TRABD2A: variants seen among roughly 807,000 people sequenced by gnomAD.
TRABD2A encodes TraB domain containing 2A.
A neutral mutation model predicts 45.6 loss-of-function variants in TRABD2A; 43 were observed. The observed-to-expected ratio is 0.94, with a 90% confidence interval of 0.74 to 1.22. The LOEUF (loss-of-function observed/expected upper bound fraction) is 1.22, where lower values mean the gene tolerates loss of function less well. Ranked by LOEUF, TRABD2A falls within the 50% of genes most tolerant of loss-of-function variation. The pLI is 0.00. For synonymous variants in TRABD2A, 269 were observed against 265.0 expected, an observed-to-expected ratio of 1.02 and a Z score of -0.15; for missense variants, 642 against 652.4, an observed-to-expected ratio of 0.98 and a Z score of 0.17.
At chr2:84,822,474 C>T (rs557441558) in intron 6 of TRABD2A, among the ~76,000 whole-genome samples, 81 of 152,282 alleles carry the variant, frequency 5.3e-4, no homozygotes, top group African/African-American at 1.8e-3. Flanking sequence ...CCAGACCATG[C>T]AGATTCCTCC....
At position 84,830,004 on chromosome 2, in the gene TRABD2A, TTACA is replaced by T. The variant is rs1681281446; in HGVS notation, c.1082+2047_1082+2050del. Among the ~76,000 whole-genome samples the T allele has an allele frequency of 6.7e-6, 1 of 148,768 alleles. No individual in the cohort carries two copies. The highest frequency in any genetic ancestry group is 2.5e-5 in the African/African-American group (1 of 40,086). Reference sequence around the variant, plus strand: ...CACCAGACACACACAAACACAAACATTACATACTCCACACACATTACACCACACA... The same window carrying T: ...CACCAGACACACACAAACACAAACATTACTCCACACACATTACACCACACA... On this transcript the variant is annotated intron_variant, in intron 5 of 6. Transcript: ENST00000409520. This position sits in a 1 kb window ranked among gnomAD's most constrained non-coding sequence, Gnocchi z 4.9.
rs1160587189 is a variant in TRABD2A at position 84,830,228 on chromosome 2, A to T, written c.1082+1827T>A. ...AGACCTGCAGGAGAACAGGAAGGAG[A>T]GAGGCAGGAGACGTGAGCCTGCAAC... On this transcript the variant is annotated intron_variant, in intron 5 of 6. Transcript: ENST00000409520. This position sits in a 1 kb window ranked among gnomAD's most constrained non-coding sequence, Gnocchi z 4.9. 1.3e-5 allele frequency among the ~76,000 whole-genome samples: 2 copies of T among 152,124 alleles called. No homozygotes were observed. Among genetic ancestry groups the T allele is most frequent in the Non-Finnish European group, 2.9e-5 (2 of 68,030 alleles).
intron 2 of TRABD2A, among the ~76,000 whole-genome samples, chr2:84,859,469 C>T (rs1207602822): frequency 6.6e-6 from 1 of 152,186 alleles, no homozygotes; most frequent in East Asian, 1.9e-4. Flanking sequence ...AAGTTAATCA[C>T]CAACAAAAGA....
In TRABD2A at chr2:84,841,972, C is replaced by CT. The variant is rs1681727878; in HGVS notation, c.704dup (p.Glu236GlyfsTer22). The CT allele has an allele frequency of 6.5e-7, 1 of 1,542,736 alleles. No individual in the cohort carries two copies. Among genetic ancestry groups the CT allele is most frequent in the Non-Finnish European group, 8.7e-7 (1 of 1,143,608 alleles). On this transcript the variant is annotated frameshift_variant, in exon 3 of 7. Coordinates refer to ENST00000409520, the MANE Select transcript of TRABD2A (RefSeq NM_001277053.2). LOFTEE classifies it high-confidence loss of function. Reference sequence around the variant, plus strand: ...GAAGACTGCCTGCTCGCAGGCTTTCCTGCTGCAGGAGGGTCTGGTTCAAAG... The same window carrying CT: ...GAAGACTGCCTGCTCGCAGGCTTTCCTTGCTGCAGGAGGGTCTGGTTCAAAG...
intron 1 of TRABD2A, among the ~76,000 whole-genome samples, chr2:84,879,172 G>A (rs1405159763): frequency 6.8e-6 from 1 of 146,898 alleles, no homozygotes. Context: ...AGTCTTTGAG[G>A]TTTTCAATAC....
In TRABD2A at chr2:84,835,765, A is replaced by AG. The variant is rs1489913982; in HGVS notation, c.991+3383_991+3384insC. On this transcript the variant is annotated intron_variant, in intron 4 of 6. Coordinates refer to ENST00000409520, the MANE Select transcript of TRABD2A (RefSeq NM_001277053.2). ...ACATGGCAGGAGGGGCTAATGCTAT[A>AG]TCTTCACATGGTGGAAGGCACAAGG... is the stretch of plus-strand genomic sequence containing the variant. 6.7e-3 allele frequency among the ~76,000 whole-genome samples: 1,023 copies of AG among 152,208 alleles called. 17 individuals carry two copies. Among genetic ancestry groups the AG allele is most frequent in the African/African-American group, 0.024 (992 of 41,510 alleles).
In TRABD2A at chr2:84,840,283, T is replaced by G. The variant is rs538008628; in HGVS notation, c.817-960A>C. ...AGCCTTCATCTTCTACTCTGTCATCTTTTTTTTTAATCATGTCATTTATGT... is the reference window on the plus strand; with the variant it reads ...AGCCTTCATCTTCTACTCTGTCATCGTTTTTTTTAATCATGTCATTTATGT... On this transcript the variant is annotated intron_variant, in intron 3 of 6. Transcript: ENST00000409520. Among the ~76,000 whole-genome samples the G allele has an allele frequency of 3.3e-5, 5 of 151,496 alleles. No homozygotes were observed. In the South Asian group the frequency reaches 1.0e-3, roughly 32 times the overall value.
intron 2 of TRABD2A, among the ~76,000 whole-genome samples, chr2:84,861,825 G>A (rs1682510010): frequency 6.6e-6 from 1 of 152,248 alleles, no homozygotes; most frequent in South Asian, 2.1e-4. Context: ...CTCAGTGTGA[G>A]CTGCAGTTCT....
intron 2 of TRABD2A, among the ~76,000 whole-genome samples, chr2:84,850,436 C>G (rs1386342121): frequency 4.6e-5 from 7 of 152,042 alleles, no homozygotes; most frequent in Non-Finnish European, 7.4e-5. Flanking sequence ...TGGTCCTACC[C>G]TGACAGAGTA....
intron 2 of TRABD2A, chr2:84,844,048 T>C (rs1428900606): frequency 6.6e-6 from 1 of 152,186 alleles, no homozygotes; most frequent in Non-Finnish European, 1.5e-5. Context: ...CTCCCCAAGG[T>C]TCTGCACAAT....
At chr2:84,852,873 T>C (rs1324660859) in intron 2 of TRABD2A, among the ~76,000 whole-genome samples, 1 of 152,084 alleles carries the variant, frequency 6.6e-6, no homozygotes, top group East Asian at 1.9e-4. Context: ...TGGGAGAAGT[T>C]TCCATTAGCC....
rs1430269668 is a variant in TRABD2A, at chr2:84,824,141, A to G, written c.1146T>C (p.Pro382=). ...CTTCTGGTGCCGGTACTTCCAGGGT[A>G]GGGACTTTTGGAGCAAAGATGGTGG... ...TLSTIFAPKV[P]TLEVPAPEAV... Residue 382 remains proline, a synonymous_variant, in exon 6 of 7, where the codon CCT becomes CCC. Coordinates refer to ENST00000409520, the MANE Select transcript of TRABD2A (RefSeq NM_001277053.2). 2 of 1,613,856 alleles carry G rather than the reference A, an allele frequency of 1.2e-6. No homozygotes were observed. Among genetic ancestry groups the G allele is most frequent in the African/African-American group, 2.7e-5 (2 of 74,906 alleles).
intron 4 of TRABD2A, 34 bp from the exon 5 acceptor site, chr2:84,832,179 C>G (rs762488405): frequency 6.2e-7 from 1 of 1,602,494 alleles, no homozygotes; most frequent in Non-Finnish European, 8.5e-7. Flanking sequence ...AATGCTGCAG[C>G]TCTCAGGACC....
In TRABD2A at chr2:84,841,841, C is replaced by T. The variant is rs1029586956; in HGVS notation, c.816+20G>A. The T allele has an allele frequency of 6.7e-7, 1 of 1,497,074 alleles. No homozygotes were observed. The highest frequency in any genetic ancestry group is 8.9e-7 in the Non-Finnish European group (1 of 1,124,708). The allele number at this position is 1,497,074 out of a possible 1,614,324, so 92.7% of individuals were successfully genotyped here. ...ATAATTAAATGTGTGCTGAGCTTGG[C>T]AGGGGGAAAGGGTGCTCACCTGGGA... On this transcript the variant is annotated intron_variant, in intron 3 of 6. Coordinates refer to ENST00000409520, the MANE Select transcript of TRABD2A (RefSeq NM_001277053.2).
At chr2:84,866,562 C>A (rs1682681020) in intron 2 of TRABD2A, among the ~76,000 whole-genome samples, 1 of 152,128 alleles carries the variant, frequency 6.6e-6, no homozygotes, top group Non-Finnish European at 1.5e-5. Context: ...TGATACCACT[C>A]ATCTTGAGAA....
At chr2:84,833,250 G>A (rs1681400422) in intron 4 of TRABD2A, 1 of 152,248 alleles carries the variant, frequency 6.6e-6, no homozygotes, top group Non-Finnish European at 1.5e-5. Flanking sequence ...ACCTAGAAAT[G>A]TGGGGTAGGA....
intron 1 of TRABD2A, among the ~76,000 whole-genome samples, chr2:84,873,186 C>T (rs1325603320): frequency 1.3e-5 from 2 of 151,210 alleles, no homozygotes; most frequent in Non-Finnish European, 1.5e-5. Context: ...TTTGGGAGGC[C>T]GAGGAGGGTG....
intron 2 of TRABD2A, among the ~76,000 whole-genome samples, chr2:84,855,514 A>G (rs1020569647): frequency 5.3e-5 from 8 of 151,980 alleles, no homozygotes; most frequent in Admixed American, 1.3e-4. Context: ...CCTCCCTCCA[A>G]TGACACATAT....
intron 2 of TRABD2A, among the ~76,000 whole-genome samples, chr2:84,859,087 T>C (rs1261319029): frequency 6.6e-6 from 1 of 152,212 alleles, no homozygotes; most frequent in African/African-American, 2.4e-5. Context: ...GGGGTGTGTT[T>C]AACTTTCACT....
Sources: gnomAD v4.1 joint callset for allele counts (sites outside exome capture counted in the v4.1 genomes callset) on GRCh38, gnomAD v4.1.1 for gene constraint, Gnocchi (gnomAD v3.1) non-coding constraint, MANE v1.5 for transcripts, NCBI Gene and HGNC (gene_info 2026-07-23, HGNC 2026-07-21) for gene names.